Variants in NUCKS1 observed in about 807,000 individuals in gnomAD.
NUCKS1 encodes the protein nuclear casein kinase and cyclin dependent kinase substrate 1, also known as nuclear ubiquitous casein and cyclin-dependent kinase substrate 1.
Under a neutral mutation model 33.0 loss-of-function variants are expected in NUCKS1, and 2 were observed. That is an observed-to-expected ratio of 0.06 (90% CI 0.02 to 0.19). The LOEUF (loss-of-function observed/expected upper bound fraction) is 0.19, where lower values mean the gene tolerates loss of function less well. Ranked by LOEUF, NUCKS1 falls within the 10% of genes least tolerant of loss-of-function variation. The pLI, the probability that NUCKS1 is intolerant of heterozygous loss-of-function variation, is 1.00. For synonymous variants in NUCKS1, 106 were observed against 102.8 expected, an observed-to-expected ratio of 1.03 and a Z score of -0.19; for missense variants, 201 against 293.6, an observed-to-expected ratio of 0.68 and a Z score of 2.31.
chr1:205,723,198 C>G lies in NUCKS1; in HGVS notation c.229+728G>C, dbSNP rs569237032. Among the ~76,000 whole-genome samples, 17 of 152,218 alleles carry G rather than the reference C, an allele frequency of 1.1e-4. No individual in the cohort carries two copies. In the South Asian group the frequency reaches 2.3e-3, roughly 20 times the overall value. ...AATTTAGCAGAACTTTGTCTCTCCC[C>G]TTTGTATTAGCTAAACAGCAGTCTC... On this transcript the variant is annotated intron_variant, in intron 4 of 6. Transcript: ENST00000367142.
intron 1 of NUCKS1, among the ~76,000 whole-genome samples, chr1:205,735,678 C>G (rs1292474818): frequency 6.6e-6 from 1 of 152,170 alleles, no homozygotes; most frequent in Non-Finnish European, 1.5e-5. Flanking sequence ...ATACCTGTTA[C>G]AGGAATAACA....
rs1654470144 is a variant in NUCKS1 at position 205,750,063 on chromosome 1, CAGCCGATG to C, written c.-98_-91del. ...TCGGCGCCCCACCCCCCCCGAACTTCAGCCGATGGGACCGCTGCTGCCGAACCCCGAGC... is the reference window on the plus strand; with the variant it reads ...TCGGCGCCCCACCCCCCCCGAACTTCGGACCGCTGCTGCCGAACCCCGAGC... On this transcript the variant is annotated 5_prime_UTR_variant, in exon 1 of 7. Transcript: ENST00000367142. 5 of 1,193,506 alleles carry C rather than the reference CAGCCGATG, an allele frequency of 4.2e-6. No homozygotes were observed. Among genetic ancestry groups the C allele is most frequent in the Non-Finnish European group, 5.6e-6 (5 of 894,488 alleles). 73.9% of individuals were successfully genotyped at this position (1,193,506 alleles called of 1,614,324 possible).
chr1:205,744,077 T>C (rs1427949561), intron 1 of NUCKS1, among the ~76,000 whole-genome samples: 2 of 152,198 alleles, frequency 1.3e-5, no homozygotes, highest in Non-Finnish European at 2.9e-5. Context: ...CCTTAATCTC[T>C]TCACATTTTC....
At position 205,733,155 on chromosome 1, in the gene NUCKS1, A is replaced by G. The variant is rs553839770; in HGVS notation, c.18-3534T>C. On this transcript the variant is annotated intron_variant, in intron 1 of 6. Transcript: ENST00000367142. ...CCATGCTTGTGGGGTGGCAACTAAC[A>G]TATTATTACCCCATTTCTGGGTACG... is the stretch of plus-strand genomic sequence containing the variant. Among the ~76,000 whole-genome samples, 7 of 152,324 alleles carry G rather than the reference A, an allele frequency of 4.6e-5. No individual in the cohort carries two copies. The East Asian group carries it at 1.2e-3, about 25-fold the overall frequency.
At chr1:205,746,145 AG>A (rs1353803014) in intron 1 of NUCKS1, among the ~76,000 whole-genome samples, 5 of 149,932 alleles carry the variant, frequency 3.3e-5, no homozygotes, top group Non-Finnish European at 7.4e-5. Flanking sequence ...AAAATACAAA[AG>A]TTAGCTGGGT....
At chr1:205,742,615 G>A (rs960833693) in intron 1 of NUCKS1, among the ~76,000 whole-genome samples, 1 of 152,172 alleles carries the variant, frequency 6.6e-6, no homozygotes, top group Non-Finnish European at 1.5e-5. Flanking sequence ...ACAAGGTCAG[G>A]GGATCGAGAC....
chr1:205,735,962 G>A (rs930420553), intron 1 of NUCKS1, among the ~76,000 whole-genome samples: 2 of 148,650 alleles, frequency 1.3e-5, no homozygotes, highest in African/African-American at 2.5e-5. Flanking sequence ...TTTTTTTTTG[G>A]AGACAGGGTC....
chr1:205,746,866 C>G (rs1040717082), intron 1 of NUCKS1, among the ~76,000 whole-genome samples: 6 of 152,282 alleles, frequency 3.9e-5, no homozygotes, highest in African/African-American at 1.4e-4. Context: ...ATCAAGCACA[C>G]TTAGGTTACA....
At chr1:205,727,902 G>A in intron 2 of NUCKS1, 97 bp from the exon 3 acceptor site, 2 of 811,986 alleles carry the variant, frequency 2.5e-6, no homozygotes, top group Middle Eastern at 4.7e-4. Context: ...CTGTTTAAAT[G>A]GTGAGAGGAG....
chr1:205,741,096 G>C (rs1460922083), intron 1 of NUCKS1, among the ~76,000 whole-genome samples: 1 of 151,340 alleles, frequency 6.6e-6, no homozygotes, highest in Non-Finnish European at 1.5e-5. Context: ...GTCAGGAGAT[G>C]CAGACCATCC....
At chr1:205,742,881 G>T (rs1233688808) in intron 1 of NUCKS1, among the ~76,000 whole-genome samples, 1 of 152,078 alleles carries the variant, frequency 6.6e-6, no homozygotes, top group Non-Finnish European at 1.5e-5. Flanking sequence ...TCCTCCTATT[G>T]TCCACAACAT....
intron 3 of NUCKS1, among the ~76,000 whole-genome samples, chr1:205,725,709 C>T (rs1653750678): frequency 6.6e-6 from 1 of 152,058 alleles, no homozygotes; most frequent in Non-Finnish European, 1.5e-5. Context: ...ACAAGGCATA[C>T]AGATAGCAAT....
chr1:205,727,553 T>G, intron 3 of NUCKS1, 147 bp downstream of exon 3: 4 of 645,120 alleles, frequency 6.2e-6, no homozygotes, highest in East Asian at 2.8e-5. Context: ...GAGCACAGCC[T>G]GAGATAATAT....
chr1:205,718,727 T>A (rs921999409), intron 6 of NUCKS1, among the ~76,000 whole-genome samples: 31 of 152,344 alleles, frequency 2.0e-4, no homozygotes, highest in Admixed American at 2.0e-3. Context: ...TCTATGATGT[T>A]AGCAGTAATA....
At chr1:205,747,955 G>A (rs1477187399) in intron 1 of NUCKS1, among the ~76,000 whole-genome samples, 3 of 150,968 alleles carry the variant, frequency 2.0e-5, no homozygotes, top group South Asian at 4.2e-4. Context: ...AATATACTCC[G>A]TAACCAACTT....
Position 205,746,295 on chromosome 1 carries a change from CAAAT to C in NUCKS1, c.17+3658_17+3661del, listed in dbSNP as rs550500310. Among the ~76,000 whole-genome samples, 9 of 152,220 alleles carry C rather than the reference CAAAT, an allele frequency of 5.9e-5. No homozygotes were observed. In the East Asian group the frequency reaches 7.7e-4, roughly 13 times the overall value. On this transcript the variant is annotated intron_variant, in intron 1 of 6. Coordinates refer to ENST00000367142, the MANE Select transcript of NUCKS1 (RefSeq NM_022731.5). Reference sequence around the variant, plus strand: ...GGGCAACAAGAGGGAAATCCCATCTCAAATAAATAAATAACTCCCCCATTATTCA... The same window carrying C: ...GGGCAACAAGAGGGAAATCCCATCTCAAATAAATAACTCCCCCATTATTCA...
At chr1:205,722,847 T>C (rs977330946) in intron 4 of NUCKS1, among the ~76,000 whole-genome samples, 2 of 152,246 alleles carry the variant, frequency 1.3e-5, no homozygotes, top group African/African-American at 2.4e-5. Flanking sequence ...AGCCTTGCCA[T>C]AGTCAGTGTT....
chr1:205,750,015 A>AGGGGGGGGGGGGGGGGGGGGGGGGGG lies in NUCKS1; in HGVS notation c.-43_-42insCCCCCCCCCCCCCCCCCCCCCCCCCC. On this transcript the variant is annotated 5_prime_UTR_variant, in exon 1 of 7. Transcript: ENST00000367142. ...GGACCGAGTCGAGAAGCCAAAGACC[A>AGGGGGGGGGGGGGGGGGGGGGGGGGG]GGACCCCCCCCACCCCGCGCGCTCG... 2.7e-6 allele frequency: 4 copies of AGGGGGGGGGGGGGGGGGGGGGGGGGG among 1,506,270 alleles called. No individual in the cohort carries two copies. Among genetic ancestry groups the AGGGGGGGGGGGGGGGGGGGGGGGGGG allele is most frequent in the East Asian group, 2.8e-5 (1 of 36,320 alleles). 93.3% of individuals were successfully genotyped at this position (1,506,270 alleles called of 1,614,324 possible).
chr1:205,743,515 T>C (rs1654233708), intron 1 of NUCKS1, among the ~76,000 whole-genome samples: 1 of 152,222 alleles, frequency 6.6e-6, no homozygotes, highest in Non-Finnish European at 1.5e-5. Flanking sequence ...TTCCTTCTAA[T>C]TTTAATGCAT....
Sources: allele counts gnomAD v4.1 joint callset (sites outside exome capture counted in the v4.1 genomes callset), GRCh38; gene constraint gnomAD v4.1.1; transcripts MANE v1.5; gene names NCBI Gene and HGNC (gene_info 2026-07-23, HGNC 2026-07-21).